The following ABTB2 variants were observed in gnomAD, a reference collection of about 807,000 sequenced individuals.
ABTB2 encodes the protein ankyrin repeat and BTB domain containing 2, also known as ankyrin repeat and BTB/POZ domain-containing protein 2.
ABTB2 carries 56 observed loss-of-function variants against 104.1 expected under a neutral mutation model. The observed-to-expected ratio is 0.54, with a 90% CI of 0.43 to 0.67. ABTB2 has a LOEUF of 0.67. Ranked by LOEUF, ABTB2 falls within the 30% of genes least tolerant of loss-of-function variation. The pLI is 0.00. For synonymous variants in ABTB2, 606 were observed against 608.2 expected, an observed-to-expected ratio of 1.00 and a Z score of 0.05; for missense variants, 1,279 against 1,407.7, an observed-to-expected ratio of 0.91 and a Z score of 1.46.
intron 1 of ABTB2, among the ~76,000 whole-genome samples, chr11:34,329,982 C>T (rs909767847): frequency 1.3e-5 from 2 of 152,162 alleles, no homozygotes; most frequent in African/African-American, 2.4e-5. Context: ...ATCTCTGTGC[C>T]CAAGTATGAG....
At chr11:34,181,832 G>T (rs1853031612) in intron 3 of ABTB2, among the ~76,000 whole-genome samples, 1 of 152,212 alleles carries the variant, frequency 6.6e-6, no homozygotes, top group Non-Finnish European at 1.5e-5. Context: ...GACGATCAAG[G>T]GAGAGGATGG....
chr11:34,234,643 G>A (rs75248836), intron 1 of ABTB2, among the ~76,000 whole-genome samples: 55 of 152,242 alleles, frequency 3.6e-4, no homozygotes, highest in African/African-American at 1.1e-3. Context: ...TGCTTTGTGC[G>A]GAATCTTTTC....
At chr11:34,221,552 G>C (rs1023541636) in intron 1 of ABTB2, among the ~76,000 whole-genome samples, 2 of 152,076 alleles carry the variant, frequency 1.3e-5, no homozygotes, top group Non-Finnish European at 2.9e-5. Context: ...GGCTGTGCCT[G>C]TGTCCCTTAG....
chr11:34,268,391 A>G (rs1340183680), intron 1 of ABTB2, among the ~76,000 whole-genome samples: 1 of 152,242 alleles, frequency 6.6e-6, no homozygotes, highest in Non-Finnish European at 1.5e-5. Context: ...CTCTTAGTGG[A>G]TGCTAGGGAT....
intron 1 of ABTB2, among the ~76,000 whole-genome samples, chr11:34,291,171 T>A (rs1161259241): frequency 6.6e-6 from 1 of 152,264 alleles, no homozygotes; most frequent in Non-Finnish European, 1.5e-5. Context: ...GGAAACTGGC[T>A]AAGTATTCAT....
At chr11:34,177,860 C>T (rs1048864171) in intron 3 of ABTB2, among the ~76,000 whole-genome samples, 4 of 152,146 alleles carry the variant, frequency 2.6e-5, no homozygotes, top group African/African-American at 9.7e-5. Context: ...AGGCACCGTG[C>T]CTGGCTGCAA....
intron 1 of ABTB2, among the ~76,000 whole-genome samples, chr11:34,341,604 G>T (rs148763272): frequency 1.3e-5 from 2 of 152,000 alleles, no homozygotes; most frequent in African/African-American, 2.4e-5. Flanking sequence ...TGAGGAAATG[G>T]TTTTTTTTAA....
At chr11:34,190,606 T>A (rs1259703215) in intron 3 of ABTB2, among the ~76,000 whole-genome samples, 3 of 152,214 alleles carry the variant, frequency 2.0e-5, no homozygotes, top group Non-Finnish European at 4.4e-5. Flanking sequence ...TCTGTGAATG[T>A]GTGCTCTATA....
intron 11 of ABTB2, 67 bp from the exon 12 acceptor site, chr11:34,160,420 G>T: frequency 8.6e-7 from 1 of 1,161,266 alleles, no homozygotes; most frequent in Non-Finnish European, 1.3e-6. Flanking sequence ...ATGCAGATAC[G>T]TCAGGCTAAT....
intron 3 of ABTB2, among the ~76,000 whole-genome samples, chr11:34,190,623 G>A (rs902173645): frequency 2.6e-5 from 4 of 152,144 alleles, no homozygotes; most frequent in African/African-American, 7.2e-5. Flanking sequence ...TATAACGCTC[G>A]CTATAACTAG....
At chr11:34,166,701 T>A (rs989693761) in intron 7 of ABTB2, among the ~76,000 whole-genome samples, 1 of 152,216 alleles carries the variant, frequency 6.6e-6, no homozygotes, top group African/African-American at 2.4e-5. Context: ...CATGGGGAGC[T>A]GCTCTGCCCA....
At chr11:34,189,671 C>G (rs1004391946) in intron 3 of ABTB2, among the ~76,000 whole-genome samples, 13 of 151,916 alleles carry the variant, frequency 8.6e-5, no homozygotes, top group African/African-American at 3.1e-4. Flanking sequence ...AAAATTCATG[C>G]TCTGAAACAA....
chr11:34,329,593 T>C (rs568796874), intron 1 of ABTB2, among the ~76,000 whole-genome samples: 35 of 152,332 alleles, frequency 2.3e-4, no homozygotes, highest in African/African-American at 8.4e-4. Context: ...AAGTCCAGAA[T>C]CTTTGAGCTA....
At chr11:34,296,848 T>C (rs1055491595) in intron 1 of ABTB2, among the ~76,000 whole-genome samples, 7 of 152,158 alleles carry the variant, frequency 4.6e-5, no homozygotes, top group African/African-American at 1.7e-4. Context: ...ATCGCCACAG[T>C]TGGAGAAGGC....
intron 3 of ABTB2, among the ~76,000 whole-genome samples, chr11:34,181,196 C>T (rs1460552807): frequency 6.6e-6 from 1 of 152,102 alleles, no homozygotes; most frequent in African/African-American, 2.4e-5. Flanking sequence ...AGCCACCATG[C>T]CCAGCCAAGG....
At chr11:34,180,764 C>T (rs1853016295) in intron 3 of ABTB2, among the ~76,000 whole-genome samples, 1 of 152,222 alleles carries the variant, frequency 6.6e-6, no homozygotes. Flanking sequence ...CAGTCTCTCT[C>T]ATCTGCCTTT....
rs749764123 is a variant in ABTB2, at chr11:34,335,578, T to C, written c.883+21123A>G. The stretch of plus-strand genomic sequence containing the variant: ...TGTATTGCACACTCCACTCTGGCAC[T>C]TTCAAAGTTAAGTTTCTGCACTGTT... On this transcript the variant is annotated intron_variant, in intron 1 of 16. Coordinates refer to ENST00000435224, the MANE Select transcript of ABTB2 (RefSeq NM_145804.3). 2.1e-5 allele frequency: 32 copies of C among 1,495,812 alleles called. No homozygotes were observed. The East Asian group carries it at 7.0e-4, about 33-fold the overall frequency. 92.7% of individuals were successfully genotyped at this position (1,495,812 alleles called of 1,614,324 possible).
chr11:34,268,613 G>A (rs539673329), intron 1 of ABTB2, among the ~76,000 whole-genome samples: 3 of 152,340 alleles, frequency 2.0e-5, no homozygotes, highest in South Asian at 2.1e-4. Context: ...CAGCCACTGC[G>A]TGAGTTTCCT....
At chr11:34,225,885 C>T (rs924816992) in intron 1 of ABTB2, among the ~76,000 whole-genome samples, 2 of 151,756 alleles carry the variant, frequency 1.3e-5, no homozygotes, top group Non-Finnish European at 1.5e-5. Flanking sequence ...AGTCCCTGGA[C>T]ATTCCAAGTA....
Sources: allele counts gnomAD v4.1 joint callset (sites outside exome capture counted in the v4.1 genomes callset), GRCh38; gene constraint gnomAD v4.1.1; transcripts MANE v1.5; gene names NCBI Gene and HGNC (gene_info 2026-07-23, HGNC 2026-07-21).